Variants in PPP1R12B observed in about 807,000 individuals in gnomAD.
PPP1R12B encodes the protein myosin phosphatase target subunit 2.
A neutral mutation model predicts 126.1 loss-of-function variants in PPP1R12B; 76 were observed. The ratio of observed to expected loss-of-function variants is 0.60; its 90% CI spans 0.50 to 0.73. PPP1R12B has a LOEUF of 0.73. Among genes scored for constraint, PPP1R12B ranks in the 30% least tolerant of loss-of-function variants. The pLI is 0.00. For synonymous variants in PPP1R12B, 356 were observed against 434.7 expected, an observed-to-expected ratio of 0.82 and a Z score of 2.25; for missense variants, 1,052 against 1,205.1, an observed-to-expected ratio of 0.87 and a Z score of 1.88.
intron 8 of PPP1R12B, among the ~76,000 whole-genome samples, chr1:202,432,957 A>C (rs565767625): frequency 5.8e-4 from 89 of 152,252 alleles, no homozygotes; most frequent in African/African-American, 1.9e-3. Context: ...GGAGAATACT[A>C]CCCTTCTTCA....
chr1:202,589,124 C>CTGTAGTTCCAAACTACAAA lies in PPP1R12B; in HGVS notation c.*8572_*8590dup, dbSNP rs1233613250. The CTGTAGTTCCAAACTACAAA allele has an allele frequency of 6.6e-6, 1 of 152,180 alleles. No homozygotes were observed. Among genetic ancestry groups the CTGTAGTTCCAAACTACAAA allele is most frequent in the Non-Finnish European group, 1.5e-5 (1 of 68,046 alleles). The allele number at this position is 152,180 out of a possible 1,614,324, so 9.4% of individuals were successfully genotyped here. On this transcript the variant is annotated 3_prime_UTR_variant, in exon 24 of 24. Transcript: ENST00000608999. ...TTAATTCAGGAGATCCAAAACTATC[C>CTGTAGTTCCAAACTACAAA]TGTAGTTCCAAACTACAAATGTAGT...
intron 19 of PPP1R12B, among the ~76,000 whole-genome samples, chr1:202,560,728 C>A (rs1348700417): frequency 6.6e-6 from 1 of 152,186 alleles, no homozygotes; most frequent in African/African-American, 2.4e-5. Flanking sequence ...GTCTCAGCCT[C>A]ATTTTACCCA....
At chr1:202,550,796 C>T (rs1686227981) in intron 18 of PPP1R12B, among the ~76,000 whole-genome samples, 1 of 152,188 alleles carries the variant, frequency 6.6e-6, no homozygotes, top group African/African-American at 2.4e-5. Context: ...ATGCCGGAGG[C>T]TGCAAATGCA....
At chr1:202,402,958 T>C (rs1164246130) in intron 1 of PPP1R12B, among the ~76,000 whole-genome samples, 1 of 152,234 alleles carries the variant, frequency 6.6e-6, no homozygotes, top group Non-Finnish European at 1.5e-5. Context: ...GATGAAGGGA[T>C]GGATACATGA....
At chr1:202,407,508 A>G (rs553894870) in intron 1 of PPP1R12B, among the ~76,000 whole-genome samples, 1 of 152,246 alleles carries the variant, frequency 6.6e-6, no homozygotes, top group Non-Finnish European at 1.5e-5. Context: ...CACTGAGTAC[A>G]TAATCAGATA....
intron 10 of PPP1R12B, chr1:202,438,820 C>T (rs1188597965): frequency 6.8e-6 from 6 of 878,668 alleles, no homozygotes; most frequent in South Asian, 2.6e-5. Flanking sequence ...GTCTAACTCA[C>T]GGACGTGGGG....
chr1:202,451,843 G>T lies in PPP1R12B; in HGVS notation c.1850+2672G>T, dbSNP rs559558928. ...CCGGACGGGGCAGCTGGCCTGGTGGGGGCTGACCCCCACCTCCCTTCCGGA... is the reference window on the plus strand; with the variant it reads ...CCGGACGGGGCAGCTGGCCTGGTGGTGGCTGACCCCCACCTCCCTTCCGGA... On this transcript the variant is annotated intron_variant, in intron 13 of 23. Coordinates refer to ENST00000608999, the MANE Select transcript of PPP1R12B (RefSeq NM_002481.4). Among the ~76,000 whole-genome samples the T allele has an allele frequency of 2.0e-5, 3 of 151,624 alleles. No homozygotes were observed. In the South Asian group the frequency reaches 6.2e-4, roughly 32 times the overall value.
Position 202,349,070 on chromosome 1 carries a change from G to C in PPP1R12B, c.219G>C (p.Glu73Asp). ...CCTGCTCTAGCGGGGACACCGACGA[G>C]GTGAGAAAGCTTCTGGCAAGAGGTG... ...LAACSSGDTD[E>D]VRKLLARGAD... is the part of the protein sequence containing the mutation. Residue 73 changes from glutamate to aspartate, a missense_variant, in exon 1 of 24, where the codon GAG becomes GAC. Coordinates refer to ENST00000608999, the MANE Select transcript of PPP1R12B (RefSeq NM_002481.4). 1 of 1,614,152 alleles carries C rather than the reference G, an allele frequency of 6.2e-7. No homozygotes were observed. Among genetic ancestry groups the C allele is most frequent in the South Asian group, 1.1e-5 (1 of 91,080 alleles).
At chr1:202,445,219 A>T in intron 12 of PPP1R12B, 2 of 1,246,510 alleles carry the variant, frequency 1.6e-6, no homozygotes, top group Non-Finnish European at 2.0e-6. Context: ...GCATCTGTAC[A>T]TCATGGCAGG....
chr1:202,405,898 T>C (rs1666537682), intron 1 of PPP1R12B, among the ~76,000 whole-genome samples: 1 of 152,248 alleles, frequency 6.6e-6, no homozygotes, highest in Admixed American at 6.5e-5. Flanking sequence ...AAACGCTTGA[T>C]GAAAATATGC....
At chr1:202,536,314 A>T (rs1018101758) in intron 18 of PPP1R12B, among the ~76,000 whole-genome samples, 2 of 152,228 alleles carry the variant, frequency 1.3e-5, no homozygotes, top group Non-Finnish European at 2.9e-5. Context: ...CTCCTAGGAT[A>T]CAAACCTGTA....
At chr1:202,429,134 T>C (rs1363062863) in intron 6 of PPP1R12B, among the ~76,000 whole-genome samples, 1 of 152,176 alleles carries the variant, frequency 6.6e-6, no homozygotes, top group East Asian at 1.9e-4. Flanking sequence ...GGTTTTTTGC[T>C]CATTATAAGA....
intron 13 of PPP1R12B, chr1:202,462,739 G>C (rs1674475881): frequency 5.1e-6 from 5 of 973,234 alleles, no homozygotes; most frequent in Non-Finnish European, 6.1e-6. Flanking sequence ...GTTAGAAAAG[G>C]ACAGTTGCTG....
At chr1:202,467,188 C>G (rs575389780) in intron 13 of PPP1R12B, among the ~76,000 whole-genome samples, 1 of 151,568 alleles carries the variant, frequency 6.6e-6, no homozygotes, top group Non-Finnish European at 1.5e-5. Context: ...GCAAGCAATG[C>G]TGTCCTCCCT....
intron 11 of PPP1R12B, among the ~76,000 whole-genome samples, chr1:202,441,951 G>A (rs898590709): frequency 4.0e-5 from 6 of 151,826 alleles, no homozygotes; most frequent in African/African-American, 1.5e-4. Flanking sequence ...CTGCCTCCTG[G>A]GTTCAAGCGA....
At chr1:202,445,221 C>G (rs1287077197) in intron 12 of PPP1R12B, 5 of 1,246,346 alleles carry the variant, frequency 4.0e-6, no homozygotes, top group Non-Finnish European at 5.1e-6. Flanking sequence ...ATCTGTACAT[C>G]ATGGCAGGTA....
chr1:202,466,753 G>T (rs1398738369), intron 13 of PPP1R12B, among the ~76,000 whole-genome samples: 2 of 152,106 alleles, frequency 1.3e-5, no homozygotes, highest in Non-Finnish European at 2.9e-5. Context: ...TTATAGGCAT[G>T]TATTTCTGTA....
chr1:202,368,029 G>T (rs1046058566), intron 1 of PPP1R12B, among the ~76,000 whole-genome samples: 4 of 152,020 alleles, frequency 2.6e-5, no homozygotes, highest in South Asian at 2.1e-4. Flanking sequence ...GAGTGCAGTG[G>T]TGTGATCTCA....
At chr1:202,435,203 G>A (rs559667422) in intron 9 of PPP1R12B, among the ~76,000 whole-genome samples, 90 of 152,242 alleles carry the variant, frequency 5.9e-4, no homozygotes, top group African/African-American at 2.0e-3. Flanking sequence ...TTGGGAATTA[G>A]TGCTTCAATA....
Sources: allele counts gnomAD v4.1 joint callset (sites outside exome capture counted in the v4.1 genomes callset), GRCh38; gene constraint gnomAD v4.1.1; transcripts MANE v1.5; gene names NCBI Gene and HGNC (gene_info 2026-07-23, HGNC 2026-07-21).